SHPK: variants seen among roughly 807,000 people sequenced by gnomAD.
SHPK encodes the protein sedoheptulokinase.
Under a neutral mutation model 46.3 loss-of-function variants are expected in SHPK, and 51 were observed. The observed-to-expected ratio is 1.10, with a 90% CI of 0.88 to 1.39. SHPK has a LOEUF of 1.39. Among genes scored for constraint, SHPK ranks in the 40% most tolerant of loss-of-function variants. The pLI is 0.00. For missense variants in SHPK, 668 were observed against 641.3 expected, an observed-to-expected ratio of 1.04 and a Z score of -0.45; for synonymous variants, 290 against 273.9, an observed-to-expected ratio of 1.06 and a Z score of -0.58.
In SHPK at chr17:3,634,911, A is replaced by C. The variant is rs1324455147; in HGVS notation, c.168+1141T>G. Reference sequence around the variant, plus strand: ...GCTGGGCCAGGCGCAGTGACTCACAACTGTAATCCTAGCACTTTGGGAGGC... The same window carrying C: ...GCTGGGCCAGGCGCAGTGACTCACACCTGTAATCCTAGCACTTTGGGAGGC... On this transcript the variant is annotated intron_variant, in intron 1 of 6. Transcript: ENST00000225519. Among the ~76,000 whole-genome samples, 4 of 151,862 alleles carry C rather than the reference A, an allele frequency of 2.6e-5. No individual in the cohort carries two copies. In the East Asian group the frequency reaches 7.8e-4, roughly 30 times the overall value.
chr17:3,636,239 G>C lies in SHPK; in HGVS notation c.-20C>G. The C allele has an allele frequency of 2.5e-6, 4 of 1,581,426 alleles. No individual in the cohort carries two copies. The highest frequency in any genetic ancestry group is 3.5e-6 in the Non-Finnish European group (4 of 1,159,160). On this transcript the variant is annotated 5_prime_UTR_variant, in exon 1 of 7. Transcript: ENST00000225519. ...AGCCATTATCTCCCTGACCCGCGCA[G>C]CTCCAGTCTGCAGCCAGCGGCCCCA...
chr17:3,612,186 G>A (rs2075344458), intron 6 of SHPK, among the ~76,000 whole-genome samples: 1 of 151,872 alleles, frequency 6.6e-6, no homozygotes, highest in African/African-American at 2.4e-5. Flanking sequence ...AGCACTTTGG[G>A]AGGTCAAGAC....
At chr17:3,613,385 C>T (rs2075352534) in intron 6 of SHPK, among the ~76,000 whole-genome samples, 2 of 152,176 alleles carry the variant, frequency 1.3e-5, no homozygotes, top group African/African-American at 4.8e-5. Flanking sequence ...TGAGGAGTCA[C>T]GCCATGGGAA....
chr17:3,628,253 A>G (rs2075449909), intron 2 of SHPK, among the ~76,000 whole-genome samples: 1 of 151,942 alleles, frequency 6.6e-6, no homozygotes, highest in South Asian at 2.1e-4. Context: ...GTTGAAGCTG[A>G]GTGATGGGTA....
chr17:3,632,940 C>T (rs1176679774), intron 1 of SHPK, among the ~76,000 whole-genome samples: 11 of 147,552 alleles, frequency 7.5e-5, no homozygotes, highest in Non-Finnish European at 1.3e-4. Context: ...AAAGTATGAA[C>T]TTGAGGAAAG....
chr17:3,612,616 G>T (rs2075346697), intron 6 of SHPK, among the ~76,000 whole-genome samples: 1 of 152,090 alleles, frequency 6.6e-6, no homozygotes, highest in South Asian at 2.1e-4. Flanking sequence ...GTGGGTTGCA[G>T]GCTGCGGGCT....
At chr17:3,624,417 A>AC (rs899028849) in intron 2 of SHPK, among the ~76,000 whole-genome samples, 186 bp from the exon 3 acceptor site, 9 of 152,050 alleles carry the variant, frequency 5.9e-5, no homozygotes, top group African/African-American at 2.2e-4. Context: ...TGACTGTGGG[A>AC]CCCTGGGCAC....
chr17:3,632,462 G>A (rs888106400), intron 1 of SHPK, among the ~76,000 whole-genome samples: 1 of 152,174 alleles, frequency 6.6e-6, no homozygotes, highest in Non-Finnish European at 1.5e-5. Flanking sequence ...GGACAGAGCT[G>A]CTGTTTCAAA....
At chr17:3,619,971 G>C in intron 5 of SHPK, 1 of 191,872 alleles carries the variant, frequency 5.2e-6, no homozygotes, top group Non-Finnish European at 1.1e-5. Context: ...ATTAAAAGAA[G>C]AATTTTTCAT....
chr17:3,630,359 G>A lies in SHPK; in HGVS notation c.169-13C>T. On this transcript the variant is annotated splice_polypyrimidine_tract_variant and intron_variant, in intron 1 of 6. Transcript: ENST00000225519. Reference sequence around the variant, plus strand: ...CCTGCTCCCGCCCCTGGAAGCAAAAGAGAACACATGGGCAGGGGCAGACAC... The same window carrying A: ...CCTGCTCCCGCCCCTGGAAGCAAAAAAGAACACATGGGCAGGGGCAGACAC... 2 of 1,601,824 alleles carry A rather than the reference G, an allele frequency of 1.2e-6. No individual in the cohort carries two copies. Among genetic ancestry groups the A allele is most frequent in the Non-Finnish European group, 8.5e-7 (1 of 1,172,828 alleles).
At position 3,636,188 on chromosome 17, in the gene SHPK, T is replaced by G. The variant is rs1466392894; in HGVS notation, c.32A>C (p.Asp11Ala). 1.2e-6 allele frequency: 2 copies of G among 1,609,788 alleles called. No homozygotes were observed. The highest frequency in any genetic ancestry group is 8.5e-7 in the Non-Finnish European group (1 of 1,177,564). Residue 11 changes from aspartate (D) to alanine (A), a missense_variant, in exon 1 of 7, where the codon GAC becomes GCC. Coordinates refer to ENST00000225519, the MANE Select transcript of SHPK (RefSeq NM_013276.4). ...TGCCTTCACAGATGTGGTGCCCAGG[T>G]CAATGCCGAGGGTGATCGGCCGCGC... MAARPITLGI[D>A]LGTTSVKAAL...
At chr17:3,620,728 T>C (rs530382963) in intron 5 of SHPK, among the ~76,000 whole-genome samples, 1 of 151,942 alleles carries the variant, frequency 6.6e-6, no homozygotes, top group African/African-American at 2.4e-5. Context: ...ACCTGGCTAA[T>C]TTTGGTATTT....
Position 3,610,796 on chromosome 17 carries a change from C to T in SHPK, c.1201G>A (p.Ala401Thr), listed in dbSNP as rs991953603. 7 of 1,614,202 alleles carry T rather than the reference C, an allele frequency of 4.3e-6. No homozygotes were observed. The highest frequency in any genetic ancestry group is 5.9e-6 in the Non-Finnish European group (7 of 1,180,034). ...TTCTGAACAATGCCTCGGCACAGAG[C>T]CCGGGTCACGTGCCCCAGGGAGAGG... ...SDLSLGHVTR[A>T]LCRGIVQNLH... is the part of the protein sequence containing the mutation. The change falls in exon 7 of 7, where the codon GCT becomes ACT. Residue 401 changes from alanine (A) to threonine (T), a missense_variant. Coordinates refer to ENST00000225519, the MANE Select transcript of SHPK (RefSeq NM_013276.4).
chr17:3,633,151 G>T (rs184388023), intron 1 of SHPK, among the ~76,000 whole-genome samples: 1 of 150,888 alleles, frequency 6.6e-6, no homozygotes, highest in African/African-American at 2.4e-5. Flanking sequence ...GCTAATTTTT[G>T]TTATTTTGTA....
chr17:3,629,017 T>G (rs1160356652), intron 2 of SHPK, among the ~76,000 whole-genome samples: 1 of 152,152 alleles, frequency 6.6e-6, no homozygotes, highest in Non-Finnish European at 1.5e-5. Context: ...AGCCTCATCC[T>G]TGGGCATTCT....
At position 3,619,186 on chromosome 17, in the gene SHPK, G is replaced by A. The variant is rs953303028; in HGVS notation, c.823+2051C>T. On this transcript the variant is annotated intron_variant, in intron 5 of 6. Transcript: ENST00000225519. ...CTTAAGAACAACTCAATTTGTTCAC[G>A]TAAATTGCCTTCAGCCTACGTTGCA... is the stretch of plus-strand genomic sequence containing the variant. 6.7e-5 allele frequency: 29 copies of A among 431,732 alleles called. No individual in the cohort carries two copies. In the East Asian group the frequency reaches 1.3e-3, roughly 19 times the overall value. 26.7% of individuals were successfully genotyped at this position (431,732 alleles called of 1,614,324 possible). A position where few individuals can be genotyped will look rare whatever the true frequency, so the allele number is the denominator to read the frequency against.
chr17:3,629,295 C>G (rs1262965715), intron 2 of SHPK, among the ~76,000 whole-genome samples: 3 of 152,114 alleles, frequency 2.0e-5, no homozygotes, highest in African/African-American at 7.2e-5. Flanking sequence ...CAGCCAGGCA[C>G]CAGGCATGTG....
rs566360940 is a variant in SHPK at position 3,630,194 on chromosome 17, G to C, written c.310+11C>G. The stretch of plus-strand genomic sequence containing the variant: ...GCTACCAGCCTGAGAGCATCCCCGA[G>C]CCCAGCATACCTTGGCCTGTTTTCC... On this transcript the variant is annotated intron_variant, in intron 2 of 6. Transcript: ENST00000225519. The C allele has an allele frequency of 3.1e-6, 5 of 1,613,760 alleles. No individual in the cohort carries two copies. Among genetic ancestry groups the C allele is most frequent in the Non-Finnish European group, 4.2e-6 (5 of 1,179,988 alleles).
At chr17:3,632,225 C>G (rs150376245) in intron 1 of SHPK, among the ~76,000 whole-genome samples, 2,394 of 152,072 alleles carry the variant, frequency 0.016, 68 homozygotes, top group African/African-American at 0.055. Context: ...AAAGTGCTGG[C>G]ATTACAGGCG....
Sources: allele counts gnomAD v4.1 joint callset (sites outside exome capture counted in the v4.1 genomes callset), GRCh38; gene constraint gnomAD v4.1.1; transcripts MANE v1.5; gene names NCBI Gene and HGNC (gene_info 2026-07-23, HGNC 2026-07-21).